ZNF750: variants seen among roughly 807,000 people sequenced by gnomAD.
ZNF750 encodes protein ZNF750.
ZNF750 carries 10 observed loss-of-function variants against 31.6 expected under a neutral mutation model. That is an observed-to-expected ratio of 0.32 (90% confidence interval 0.19 to 0.54). The LOEUF is 0.54. Ranked by LOEUF, ZNF750 falls within the 20% of genes least tolerant of loss-of-function variation. ZNF750 has a pLI of 0.95. For missense variants in ZNF750, 914 were observed against 934.9 expected (o/e 0.98, Z 0.29); for synonymous variants, 400 against 404.9 (o/e 0.99, Z 0.15).
Position 82,833,652 on chromosome 17 carries a change from A to G in ZNF750, c.-182-1016T>C, listed in dbSNP as rs1025134450. 2.0e-5 allele frequency among the ~76,000 whole-genome samples: 3 copies of G among 152,196 alleles called. No homozygotes were observed. The highest frequency in any genetic ancestry group is 4.4e-5 in the Non-Finnish European group (3 of 68,030). ...CCTGCCCGTCCAGATGCACCACCAAATGGAAGAACCAAAGCTTTGCCACAC... is the reference window on the plus strand; with the variant it reads ...CCTGCCCGTCCAGATGCACCACCAAGTGGAAGAACCAAAGCTTTGCCACAC... On this transcript the variant is annotated intron_variant, in intron 1 of 2. Coordinates refer to ENST00000269394, the MANE Select transcript of ZNF750 (RefSeq NM_024702.3). This position sits in a 1 kb window ranked among gnomAD's most constrained non-coding sequence, Gnocchi z 4.7.
At chr17:82,837,290 C>T (rs867171317) in intron 1 of ZNF750, among the ~76,000 whole-genome samples, 32 of 152,304 alleles carry the variant, frequency 2.1e-4, no homozygotes, top group Middle Eastern at 3.4e-3. Flanking sequence ...GTGGGCACAG[C>T]GTTTGAAATA....
Position 82,830,888 on chromosome 17 carries a change from C to A in ZNF750, c.1437-11G>T, listed in dbSNP as rs757045731. The A allele has an allele frequency of 6.2e-7, 1 of 1,612,686 alleles. No homozygotes were observed. On this transcript the variant is annotated splice_polypyrimidine_tract_variant and intron_variant, in intron 2 of 2. Transcript: ENST00000269394. ...TTCACAACATTGAGGCTAGAAGAAG[C>A]CAAGAAAAAGCTTAGTAGGAGCTTG...
intron 1 of ZNF750, among the ~76,000 whole-genome samples, chr17:82,836,338 A>C (rs552842376): frequency 6.6e-6 from 1 of 152,338 alleles, no homozygotes; most frequent in East Asian, 1.9e-4. Flanking sequence ...ATTGTATAGG[A>C]TGTGTTACGG....
chr17:82,839,372 C>T (rs1037557561), intron 1 of ZNF750, among the ~76,000 whole-genome samples: 1 of 151,970 alleles, frequency 6.6e-6, no homozygotes, highest in Non-Finnish European at 1.5e-5. Context: ...ACCCTAAATT[C>T]AGCCTAATGT....
chr17:82,839,388 C>T (rs988796336), intron 1 of ZNF750, among the ~76,000 whole-genome samples: 1 of 151,918 alleles, frequency 6.6e-6, no homozygotes, highest in East Asian at 1.9e-4. Flanking sequence ...AATGTACATA[C>T]ACCACACATA....
Position 82,830,376 on chromosome 17 carries a change from G to C in ZNF750, c.1938C>G (p.Pro646=), listed in dbSNP as rs1338526268. Residue 646 remains proline, a synonymous_variant, in exon 3 of 3, where the codon CCC becomes CCG. Transcript: ENST00000269394. ...CCCCATCGCCCACCCGGATGTTCCT[G>C]GGGCTGTAGGCCGCCAGCTGGCACA... ...VALCQLAAYS[P]RNIRVGDGDA... 1.9e-6 allele frequency: 3 copies of C among 1,612,748 alleles called. No individual in the cohort carries two copies.
In ZNF750 at chr17:82,830,853, A is replaced by G. The variant is rs565229029; in HGVS notation, c.1461T>C (p.Pro487=). The G allele has an allele frequency of 3.1e-6, 5 of 1,612,876 alleles. No homozygotes were observed. The Admixed American group carries it at 8.3e-5, about 27-fold the overall frequency. ...PVSLNVVNGD[P]PAPTGSASLV... is the part of the protein sequence containing the mutation. The stretch of plus-strand genomic sequence containing the variant: ...GAGAGGCGCTTCCGGTCGGAGCAGG[A>G]GGGTCTCCGTTCACAACATTGAGGC... Residue 487 remains proline (P), a synonymous_variant, in exon 3 of 3, where the codon CCT becomes CCC. Coordinates refer to ENST00000269394, the MANE Select transcript of ZNF750 (RefSeq NM_024702.3).
chr17:82,836,342 G>GT (rs1446485546), intron 1 of ZNF750, among the ~76,000 whole-genome samples: 1 of 152,246 alleles, frequency 6.6e-6, no homozygotes, highest in African/African-American at 2.4e-5. Context: ...TATAGGATGT[G>GT]TTACGGCAGG....
intron 1 of ZNF750, chr17:82,838,859 ACAGTCGCCGCCT>A: frequency 1.0e-6 from 1 of 985,410 alleles, no homozygotes; most frequent in Non-Finnish European, 1.2e-6. Context: ...TCACCACTTT[ACAGTCGCCGCCT>A]CATCCTGAAA....
intron 1 of ZNF750, chr17:82,838,607 C>A (rs1180317917): frequency 1.0e-6 from 1 of 979,942 alleles, no homozygotes; most frequent in Non-Finnish European, 1.2e-6. Context: ...ACTGTGATGT[C>A]GCAAGAACGA....
At position 82,831,894 on chromosome 17, in the gene ZNF750, G is replaced by A. The variant is rs894728784; in HGVS notation, c.561C>T (p.Pro187=). ...EAPETLALHN[P]TAKAVSFHTK... ...TGTGGAAAGACACGGCCTTGGCAGT[G>A]GGGTTGTGTAAAGCCAGTGTCTCGG... The change falls in exon 2 of 3, where the codon CCC becomes CCT. Residue 187 remains proline, a synonymous_variant. Coordinates refer to ENST00000269394, the MANE Select transcript of ZNF750 (RefSeq NM_024702.3). This position sits in a 1 kb window ranked among gnomAD's most constrained non-coding sequence, Gnocchi z 4.6. 2.5e-6 allele frequency: 4 copies of A among 1,614,234 alleles called. No individual in the cohort carries two copies. In the Admixed American group the frequency reaches 5.0e-5, roughly 20 times the overall value.
intron 1 of ZNF750, among the ~76,000 whole-genome samples, chr17:82,836,368 G>T (rs1238804943): frequency 6.6e-6 from 1 of 152,238 alleles, no homozygotes; most frequent in Admixed American, 6.5e-5. Flanking sequence ...GAAAGCTGAT[G>T]ATTTCATCAC....
In ZNF750 at chr17:82,835,854, C is replaced by T. The variant is rs939744787; in HGVS notation, c.-182-3218G>A. Among the ~76,000 whole-genome samples, 7 of 152,190 alleles carry T rather than the reference C, an allele frequency of 4.6e-5. No individual in the cohort carries two copies. Among genetic ancestry groups the T allele is most frequent in the African/African-American group, 1.7e-4 (7 of 41,432 alleles). ...TGGGTAGAAAAGGGGCTCTGCTGAC[C>T]TGCCACCTTCGCTGTGATGAGTTTC... On this transcript the variant is annotated intron_variant, in intron 1 of 2. Coordinates refer to ENST00000269394, the MANE Select transcript of ZNF750 (RefSeq NM_024702.3). The surrounding 1 kb of genome is among the most constrained non-coding windows in gnomAD (Gnocchi z 4.5).
rs776833434 is a variant in ZNF750, at chr17:82,830,680, T to C, written c.1634A>G (p.Glu545Gly). 2.4e-5 allele frequency: 38 copies of C among 1,613,844 alleles called. No individual in the cohort carries two copies. The South Asian group carries it at 3.8e-4, about 16-fold the overall frequency. ...GAGATTGAGTGGAAGGTCCTGCAGC[T>C]CTGAGAAGCTGGCGGTTTCCGCCTG... The part of the protein sequence containing the change: ...SPQAETASFS[E>G]LQDLPLNLSV... The change falls in exon 3 of 3, where the codon GAG becomes GGG. Residue 545 changes from glutamate (E) to glycine (G), a missense_variant. This residue lies in a region of ZNF750 where 880 missense variants were observed against 868.9 expected (regional missense o/e 1.01). Transcript: ENST00000269394.
chr17:82,837,801 C>T (rs1324721908), intron 1 of ZNF750, among the ~76,000 whole-genome samples: 2 of 152,234 alleles, frequency 1.3e-5, no homozygotes, highest in Non-Finnish European at 2.9e-5. Context: ...AATGTGTGCC[C>T]TCTTCTCCAA....
In ZNF750 at chr17:82,831,210, C is replaced by T. The variant is rs148917942; in HGVS notation, c.1245G>A (p.Pro415=). The T allele has an allele frequency of 1.8e-3, 2,899 of 1,614,072 alleles. 4 individuals are homozygous for T. The highest frequency in any genetic ancestry group is 2.3e-3 in the Non-Finnish European group (2,733 of 1,180,038). The change falls in exon 2 of 3, where the codon CCG becomes CCA. Residue 415 remains proline, a synonymous_variant. Transcript: ENST00000269394. This position sits in a 1 kb window ranked among gnomAD's most constrained non-coding sequence, Gnocchi z 4.6. ...GSAATGSPGR[P]SPTDFMQTSQ... Reference sequence around the variant, plus strand: ...TCGTCTGCATGAAGTCGGTGGGGCTCGGCCTCCCTGGGGAGCCCGTGGCTG... The same window carrying T: ...TCGTCTGCATGAAGTCGGTGGGGCTTGGCCTCCCTGGGGAGCCCGTGGCTG...
rs532082181 is a variant in ZNF750, at chr17:82,832,499, C to G, written c.-45G>C. On this transcript the variant is annotated 5_prime_UTR_variant, in exon 2 of 3. Coordinates refer to ENST00000269394, the MANE Select transcript of ZNF750 (RefSeq NM_024702.3). This position sits in a 1 kb window ranked among gnomAD's most constrained non-coding sequence, Gnocchi z 4.9. ...ACTCTGGCTGTCCAGGTGGCGTGAT[C>G]ACTGTCGACGCCGCGTGCACTTCGT... 3.2e-6 allele frequency: 5 copies of G among 1,564,960 alleles called. No individual in the cohort carries two copies. Among genetic ancestry groups the G allele is most frequent in the Admixed American group, 3.3e-5 (2 of 59,874 alleles).
intron 2 of ZNF750, 60 bp downstream of exon 2, chr17:82,830,958 TG>T: frequency 1.2e-6 from 2 of 1,613,416 alleles, no homozygotes; most frequent in South Asian, 2.2e-5. Flanking sequence ...AGTATAAGCC[TG>T]GCTCATGGAA....
In ZNF750 at chr17:82,833,120, C is replaced by A. The variant is rs975373052; in HGVS notation, c.-182-484G>T. 1.3e-5 allele frequency among the ~76,000 whole-genome samples: 2 copies of A among 152,048 alleles called. No individual in the cohort carries two copies. Among genetic ancestry groups the A allele is most frequent in the Non-Finnish European group, 2.9e-5 (2 of 68,032 alleles). Reference sequence around the variant, plus strand: ...GGGTGTGTGATCGGCCACACTCTCACGTGAAATACGAAGGGGTTTGTGGCT... The same window carrying A: ...GGGTGTGTGATCGGCCACACTCTCAAGTGAAATACGAAGGGGTTTGTGGCT... On this transcript the variant is annotated intron_variant, in intron 1 of 2. Coordinates refer to ENST00000269394, the MANE Select transcript of ZNF750 (RefSeq NM_024702.3). The surrounding 1 kb of genome is among the most constrained non-coding windows in gnomAD (Gnocchi z 4.7).
Sources: allele counts gnomAD v4.1 joint callset (sites outside exome capture counted in the v4.1 genomes callset), GRCh38; gene constraint gnomAD v4.1.1; regional missense constraint gnomAD v4.1.1; non-coding constraint Gnocchi (gnomAD v3.1); transcripts MANE v1.5; gene names NCBI Gene and HGNC (gene_info 2026-07-23, HGNC 2026-07-21).